TDRD3: variants seen among roughly 807,000 people sequenced by gnomAD.
TDRD3 encodes tudor domain-containing protein 3.
In TDRD3, 45 loss-of-function variants were observed where a neutral mutation model predicts 86.7. That is an observed-to-expected ratio of 0.52 (90% CI 0.41 to 0.67). The LOEUF is 0.67. Ranked by LOEUF, TDRD3 falls within the 30% of genes least tolerant of loss-of-function variation. The probability of loss-of-function intolerance (pLI) is 0.00; values close to 1 mark genes in which losing one functional copy is unlikely to be tolerated. For missense variants in TDRD3, 814 were observed against 889.0 expected (o/e 0.92, Z 1.07); for synonymous variants, 298 against 301.7 (o/e 0.99, Z 0.13).
At chr13:60,492,749 A>T (rs1438120305) in intron 7 of TDRD3, among the ~76,000 whole-genome samples, 4 of 152,118 alleles carry the variant, frequency 2.6e-5, no homozygotes, top group Non-Finnish European at 5.9e-5. Context: ...TGGTAATTGA[A>T]GATGTGGTTT....
chr13:60,553,084 A>T (rs1958103464), intron 12 of TDRD3, among the ~76,000 whole-genome samples: 1 of 152,208 alleles, frequency 6.6e-6, no homozygotes, highest in African/African-American at 2.4e-5. Context: ...AGCTGGCTTG[A>T]ACTCTTACCC....
At chr13:60,544,112 T>TA (rs902274852) in intron 12 of TDRD3, among the ~76,000 whole-genome samples, 49 of 151,410 alleles carry the variant, frequency 3.2e-4, no homozygotes, top group Non-Finnish European at 4.0e-4. Flanking sequence ...CCTTTTTTTT[T>TA]AAATTTTTTT....
chr13:60,417,372 A>G (rs1198504302), intron 1 of TDRD3, among the ~76,000 whole-genome samples: 1 of 130,116 alleles, frequency 7.7e-6, no homozygotes, highest in Non-Finnish European at 1.6e-5. Flanking sequence ...TTTTTTTGAG[A>G]TGGAGTCTCA....
intron 6 of TDRD3, among the ~76,000 whole-genome samples, chr13:60,485,158 C>T (rs1433638902): frequency 6.6e-6 from 1 of 151,978 alleles, no homozygotes; most frequent in Admixed American, 6.6e-5. Context: ...GAGATCTTCC[C>T]ATTTTCCTTT....
In TDRD3 at chr13:60,475,929, C is replaced by T. The variant is rs115890651; in HGVS notation, c.496-7846C>T. Among the ~76,000 whole-genome samples, 1,291 of 152,200 alleles carry T rather than the reference C, an allele frequency of 8.5e-3. 16 individuals are homozygous for T. Among genetic ancestry groups the T allele is most frequent in the African/African-American group, 0.029 (1,203 of 41,534 alleles). ...GATTTGTTTAAATTCCTTATAGATT[C>T]GGGATAGTAGACCTTTGTTGGATGT... On this transcript the variant is annotated intron_variant, in intron 5 of 13. Coordinates refer to ENST00000377881, the MANE Select transcript of TDRD3 (RefSeq NM_001146070.2).
At chr13:60,492,635 G>A (rs1197097454) in intron 7 of TDRD3, among the ~76,000 whole-genome samples, 5 of 151,856 alleles carry the variant, frequency 3.3e-5, no homozygotes, top group South Asian at 4.2e-4. Context: ...TAATAAATAC[G>A]TTTTTCTAGT....
chr13:60,424,970 A>C (rs1337569819), intron 1 of TDRD3, among the ~76,000 whole-genome samples: 1 of 152,038 alleles, frequency 6.6e-6, no homozygotes, highest in Non-Finnish European at 1.5e-5. Context: ...TCATTCCTTC[A>C]CTTATTTTTA....
chr13:60,537,375 C>T (rs1957719703), intron 12 of TDRD3: 1 of 151,942 alleles, frequency 6.6e-6, no homozygotes, highest in South Asian at 2.1e-4. Flanking sequence ...CAACCTATTT[C>T]TATTTTAAAA....
At chr13:60,494,361 G>C (rs993854416) in intron 7 of TDRD3, 74 bp from the exon 8 acceptor site, 1 of 1,391,522 alleles carries the variant, frequency 7.2e-7, no homozygotes, top group Non-Finnish European at 9.5e-7. Context: ...GTTGTTTTTA[G>C]TCATAGCTTA....
In TDRD3 at chr13:60,567,594, A is replaced by G. The variant is rs757668926; in HGVS notation, c.2188A>G (p.Thr730Ala). The G allele has an allele frequency of 1.2e-5, 20 of 1,614,064 alleles. No homozygotes were observed. The highest frequency in any genetic ancestry group is 1.6e-5 in the Non-Finnish European group (19 of 1,180,042). The change falls in exon 13 of 14, where the codon ACT becomes GCT. Residue 730 changes from threonine to alanine, a missense_variant. By Grantham distance (58) the Thr-to-Ala change is moderately conservative. Transcript: ENST00000377881. ...AGGTGATGGCCAGCCAAGACGATCC[A>G]CTCGGCCAACCCAACAGTTTTACCA... The part of the protein sequence containing the change: ...RGGDGQPRRS[T>A]RPTQQFYQPP...
chr13:60,537,797 C>G (rs780084085), intron 12 of TDRD3: 4 of 151,826 alleles, frequency 2.6e-5, no homozygotes, highest in Non-Finnish European at 2.9e-5. Flanking sequence ...GGTATTGTAT[C>G]TTTCATTAAG....
At chr13:60,571,502 A>G (rs972205173) in intron 13 of TDRD3, among the ~76,000 whole-genome samples, 12 of 152,328 alleles carry the variant, frequency 7.9e-5, no homozygotes, top group African/African-American at 2.9e-4. Context: ...TTATCAAGGT[A>G]GTGAAAAACA....
At chr13:60,396,629 T>C (rs1953916397), upstream of TDRD3, 1 of 153,808 alleles carries the variant, frequency 6.5e-6, no homozygotes, top group Non-Finnish European at 1.4e-5. Flanking sequence ...CTGCCCCATT[T>C]CCCCATGTCC....
chr13:60,512,769 A>T (rs1246087994), intron 10 of TDRD3, among the ~76,000 whole-genome samples: 1 of 152,204 alleles, frequency 6.6e-6, no homozygotes, highest in East Asian at 1.9e-4. Context: ...GGTCTTGGGC[A>T]GCTCTGCCTC....
intron 1 of TDRD3, among the ~76,000 whole-genome samples, chr13:60,400,737 C>CAAA (rs796259856): frequency 1.1e-5 from 1 of 91,362 alleles, no homozygotes. Flanking sequence ...GACTGTGTCT[C>CAAA]AAAAAAAAAA....
At chr13:60,406,088 A>G (rs1020817303) in intron 1 of TDRD3, among the ~76,000 whole-genome samples, 1 of 152,212 alleles carries the variant, frequency 6.6e-6, no homozygotes, top group Non-Finnish European at 1.5e-5. Flanking sequence ...GTTGGTCATT[A>G]CTTGAGTGTG....
chr13:60,565,302 G>T (rs1389490543), intron 12 of TDRD3, among the ~76,000 whole-genome samples: 1 of 151,960 alleles, frequency 6.6e-6, no homozygotes. Context: ...TGATCCGCCC[G>T]CCTCGGCCTC....
chr13:60,558,220 G>T (rs1200771529), intron 12 of TDRD3, among the ~76,000 whole-genome samples: 1 of 152,132 alleles, frequency 6.6e-6, no homozygotes, highest in Non-Finnish European at 1.5e-5. Context: ...ATATTGGCCT[G>T]TTTTAGCATT....
At chr13:60,508,013 G>T (rs533214802) in intron 8 of TDRD3, among the ~76,000 whole-genome samples, 12 of 152,054 alleles carry the variant, frequency 7.9e-5, no homozygotes, top group Non-Finnish European at 1.5e-4. Flanking sequence ...TGAGTGAACT[G>T]CCATTCACAA....
Sources: gnomAD v4.1 joint callset for allele counts (sites outside exome capture counted in the v4.1 genomes callset) on GRCh38, gnomAD v4.1.1 for gene constraint, MANE v1.5 for transcripts, NCBI Gene and HGNC (gene_info 2026-07-23, HGNC 2026-07-21) for gene names.